SHISA5: variants seen among roughly 807,000 people sequenced by gnomAD.
The protein encoded by SHISA5 is protein shisa-5.
A neutral mutation model predicts 27.5 loss-of-function variants in SHISA5; 21 were observed. The ratio of observed to expected loss-of-function variants is 0.76; its 90% CI spans 0.54 to 1.10. The LOEUF is 1.10. Ranked by LOEUF, SHISA5 falls within the 50% of genes least tolerant of loss-of-function variation. The pLI is 0.00. For synonymous variants in SHISA5, 137 were observed against 142.2 expected, an observed-to-expected ratio of 0.96 and a Z score of 0.26; for missense variants, 314 against 336.3, an observed-to-expected ratio of 0.93 and a Z score of 0.52.
chr3:48,495,000 T>TCTTG (rs2041507391), intron 2 of SHISA5, among the ~76,000 whole-genome samples: 1 of 146,672 alleles, frequency 6.8e-6, no homozygotes, highest in Non-Finnish European at 1.5e-5. Context: ...AGAGACTGAG[T>TCTTG]CTTGCTATGT....
chr3:48,477,261 A>C (rs2107312725), intron 3 of SHISA5, among the ~76,000 whole-genome samples: 2 of 151,710 alleles, frequency 1.3e-5, no homozygotes, highest in South Asian at 4.2e-4. Context: ...CGCCCAGCTA[A>C]TTTTTGTTAT....
chr3:48,479,977 C>T (rs2040953361), intron 2 of SHISA5, among the ~76,000 whole-genome samples: 1 of 151,056 alleles, frequency 6.6e-6, no homozygotes. Flanking sequence ...GATCTCGGCT[C>T]ACTGCAAGCT....
intron 2 of SHISA5, among the ~76,000 whole-genome samples, chr3:48,490,157 T>G (rs554662404): frequency 6.6e-6 from 1 of 151,942 alleles, no homozygotes; most frequent in African/African-American, 2.4e-5. Flanking sequence ...CACTACAACC[T>G]CCACCTCCTG....
intron 2 of SHISA5, among the ~76,000 whole-genome samples, chr3:48,495,070 G>T (rs2041508610): frequency 2.1e-5 from 3 of 146,320 alleles, no homozygotes; most frequent in Admixed American, 6.7e-5. Flanking sequence ...GCCTCCCAAA[G>T]TGCTGGGATT....
At position 48,469,997 on chromosome 3, in the gene SHISA5, T is replaced by G; in HGVS notation, c.315-154A>C. The G allele has an allele frequency of 1.0e-6, 1 of 994,174 alleles. No individual in the cohort carries two copies. Among genetic ancestry groups the G allele is most frequent in the Non-Finnish European group, 1.5e-6 (1 of 679,358 alleles). 61.6% of individuals were successfully genotyped at this position (994,174 alleles called of 1,614,324 possible). A position where few individuals can be genotyped will look rare whatever the true frequency, so the allele number is the denominator to read the frequency against. Reference sequence around the variant, plus strand: ...GTGGCCTGCACCTGTTTCAATCTGTTTCCTCTTGTGTAAACTGGGGTATAT... The same window carrying G: ...GTGGCCTGCACCTGTTTCAATCTGTGTCCTCTTGTGTAAACTGGGGTATAT... On this transcript the variant is annotated intron_variant, in intron 3 of 5. Transcript: ENST00000296444. The surrounding 1 kb of genome is among the most constrained non-coding windows in gnomAD (Gnocchi z 4.6).
intron 2 of SHISA5, among the ~76,000 whole-genome samples, chr3:48,488,058 A>G (rs904832253): frequency 2.0e-5 from 3 of 152,198 alleles, no homozygotes; most frequent in Admixed American, 6.5e-5. Flanking sequence ...TTTGCCTTAA[A>G]ATACTGAAAT....
Position 48,495,970 on chromosome 3 carries a change from G to C in SHISA5, c.233+5167C>G, listed in dbSNP as rs1436447923. 2.0e-5 allele frequency among the ~76,000 whole-genome samples: 3 copies of C among 146,844 alleles called. 1 individual carries two copies. Among genetic ancestry groups the C allele is most frequent in the African/African-American group, 8.1e-5 (3 of 36,894 alleles). ...GTTCAAGAGCAGACTAACCAACATGGTAAAACCCCATCTCAACTAAAAATA... is the reference window on the plus strand; with the variant it reads ...GTTCAAGAGCAGACTAACCAACATGCTAAAACCCCATCTCAACTAAAAATA... On this transcript the variant is annotated intron_variant, in intron 2 of 5. Coordinates refer to ENST00000296444, the MANE Select transcript of SHISA5 (RefSeq NM_016479.6).
chr3:48,472,846 G>A (rs780043375), intron 3 of SHISA5, among the ~76,000 whole-genome samples: 13 of 152,222 alleles, frequency 8.5e-5, no homozygotes, highest in Non-Finnish European at 1.8e-4. Context: ...AACAGGACCA[G>A]CAGACTACAG....
In SHISA5 at chr3:48,472,923, A is replaced by C; in HGVS notation, c.315-3080T>G. ...CACACATTCACACGCCATCAATGACATGCGACCGCAAGGCCGTTATCATCC... is the reference window on the plus strand; with the variant it reads ...CACACATTCACACGCCATCAATGACCTGCGACCGCAAGGCCGTTATCATCC... On this transcript the variant is annotated intron_variant, in intron 3 of 5. Coordinates refer to ENST00000296444, the MANE Select transcript of SHISA5 (RefSeq NM_016479.6). The C allele has an allele frequency of 6.8e-6, 9 of 1,315,064 alleles. No individual in the cohort carries two copies. In the South Asian group the frequency reaches 1.1e-4, roughly 17 times the overall value. 81.5% of individuals were successfully genotyped at this position (1,315,064 alleles called of 1,614,324 possible). A position where few individuals can be genotyped will look rare whatever the true frequency, so the allele number is the denominator to read the frequency against.
At chr3:48,481,994 G>A (rs182114802) in intron 2 of SHISA5, among the ~76,000 whole-genome samples, 5 of 151,214 alleles carry the variant, frequency 3.3e-5, no homozygotes, top group African/African-American at 1.2e-4. Flanking sequence ...GTGTGAACCC[G>A]GGAGGCAGAG....
At chr3:48,491,630 C>A (rs1283440180) in intron 2 of SHISA5, among the ~76,000 whole-genome samples, 2 of 151,992 alleles carry the variant, frequency 1.3e-5, no homozygotes, top group African/African-American at 2.4e-5. Flanking sequence ...TCACTTCCTG[C>A]TGTTTTCGTT....
chr3:48,482,209 A>C (rs2041047760), intron 2 of SHISA5, among the ~76,000 whole-genome samples: 1 of 152,182 alleles, frequency 6.6e-6, no homozygotes, highest in Non-Finnish European at 1.5e-5. Flanking sequence ...AAGATTAGCA[A>C]ACCAAAGCTA....
intron 2 of SHISA5, among the ~76,000 whole-genome samples, chr3:48,492,199 G>T (rs373246894): frequency 2.7e-5 from 4 of 145,838 alleles, no homozygotes; most frequent in East Asian, 2.0e-4. Context: ...GGCCAGGCGC[G>T]GTGGCTCACG....
In SHISA5 at chr3:48,470,054, TC is replaced by T. The variant is rs2040551916; in HGVS notation, c.315-212del. 3 of 615,266 alleles carry T rather than the reference TC, an allele frequency of 4.9e-6. No homozygotes were observed. The highest frequency in any genetic ancestry group is 6.3e-5 in the Admixed American group (2 of 31,964). 38.1% of individuals were successfully genotyped at this position (615,266 alleles called of 1,614,324 possible). A position where few individuals can be genotyped will look rare whatever the true frequency, so the allele number is the denominator to read the frequency against. ...CCCTGTAACTGTCTCTCCCTGGGTC[TC>T]CCCCGCTTGTCCCACCCTCAGAGGC... On this transcript the variant is annotated intron_variant, in intron 3 of 5. Coordinates refer to ENST00000296444, the MANE Select transcript of SHISA5 (RefSeq NM_016479.6). This position sits in a 1 kb window ranked among gnomAD's most constrained non-coding sequence, Gnocchi z 4.3.
At chr3:48,502,987 T>C (rs1319654813) in intron 1 of SHISA5, 2 of 634,358 alleles carry the variant, frequency 3.2e-6, no homozygotes, top group East Asian at 6.8e-5. Context: ...TAGTGGGGAG[T>C]TGGGGGGAAC....
At chr3:48,499,779 G>A (rs549781454) in intron 2 of SHISA5, among the ~76,000 whole-genome samples, 4 of 143,156 alleles carry the variant, frequency 2.8e-5, no homozygotes, top group Admixed American at 7.1e-5. Context: ...CAGGAGAATT[G>A]CTTGAACCCG....
rs1292988989 is a variant in SHISA5 at position 48,468,778 on chromosome 3, T to C, written c.*329A>G. On this transcript the variant is annotated 3_prime_UTR_variant, in exon 6 of 6. Transcript: ENST00000296444. Reference sequence around the variant, plus strand: ...CTGGAGAAGAACTCCAGATGTGCCCTGGAGAGGCCCCCACCTCTCAGGGGC... The same window carrying C: ...CTGGAGAAGAACTCCAGATGTGCCCCGGAGAGGCCCCCACCTCTCAGGGGC... 2 of 1,406,540 alleles carry C rather than the reference T, an allele frequency of 1.4e-6. No homozygotes were observed. Among genetic ancestry groups the C allele is most frequent in the East Asian group, 7.0e-5 (2 of 28,578 alleles). 87.1% of individuals were successfully genotyped at this position (1,406,540 alleles called of 1,614,324 possible). A position where few individuals can be genotyped will look rare whatever the true frequency, so the allele number is the denominator to read the frequency against.
chr3:48,479,018 C>A (rs2040913746), intron 3 of SHISA5, among the ~76,000 whole-genome samples, 159 bp downstream of exon 3: 1 of 152,166 alleles, frequency 6.6e-6, no homozygotes, highest in Non-Finnish European at 1.5e-5. Context: ...ACCTTCACAG[C>A]ATAAGGAGCA....
At chr3:48,479,742 G>A (rs554798729) in intron 2 of SHISA5, among the ~76,000 whole-genome samples, 43 of 151,256 alleles carry the variant, frequency 2.8e-4, no homozygotes, top group Admixed American at 1.1e-3. Context: ...ACAGGCACCC[G>A]CCACCATGCG....
Sources: gnomAD v4.1 joint callset for allele counts (sites outside exome capture counted in the v4.1 genomes callset) on GRCh38, gnomAD v4.1.1 for gene constraint, Gnocchi (gnomAD v3.1) non-coding constraint, MANE v1.5 for transcripts, NCBI Gene and HGNC (gene_info 2026-07-23, HGNC 2026-07-21) for gene names.